The following DNAH7 variants were observed in gnomAD, a reference collection of about 807,000 sequenced individuals.
DNAH7 encodes the protein axonemal beta dynein heavy chain 7.
A neutral mutation model predicts 444.6 loss-of-function variants in DNAH7; 397 were observed. The ratio of observed to expected loss-of-function variants is 0.89; its 90% CI spans 0.82 to 0.97. DNAH7 has a LOEUF of 0.97. DNAH7 is among the 50% of genes least tolerant of loss of function. The pLI is 0.00. For synonymous variants in DNAH7, 1,636 were observed against 1,624.4 expected (o/e 1.01, Z -0.17); for missense variants, 4,902 against 4,800.8 (o/e 1.02, Z -0.62).
intron 47 of DNAH7, among the ~76,000 whole-genome samples, chr2:195,840,674 T>C (rs1574535682): frequency 6.6e-6 from 1 of 151,878 alleles, no homozygotes; most frequent in East Asian, 1.9e-4. Context: ...AAAAAGTCAA[T>C]ATTCAAAAAT....
intron 47 of DNAH7, among the ~76,000 whole-genome samples, chr2:195,842,195 A>G (rs1313791144): frequency 6.6e-6 from 1 of 152,070 alleles, no homozygotes; most frequent in East Asian, 1.9e-4. Flanking sequence ...TTACCCGTGA[A>G]ATGTTCAGAT....
intron 8 of DNAH7, among the ~76,000 whole-genome samples, chr2:196,022,456 T>A (rs1432427155): frequency 6.6e-6 from 1 of 152,224 alleles, no homozygotes; most frequent in Admixed American, 6.5e-5. Context: ...ATATTCTAAA[T>A]CCTTTGTTGT....
At chr2:196,030,173 A>G (rs1360044402) in intron 5 of DNAH7, among the ~76,000 whole-genome samples, 4 of 152,360 alleles carry the variant, frequency 2.6e-5, no homozygotes, top group Non-Finnish European at 5.9e-5. Flanking sequence ...TCATGGCAGA[A>G]GGCGAAAGCC....
At chr2:195,890,537 CTG>C (rs1351856446) in intron 31 of DNAH7, among the ~76,000 whole-genome samples, 4 of 152,022 alleles carry the variant, frequency 2.6e-5, no homozygotes, top group African/African-American at 9.7e-5. Flanking sequence ...AATAATATAA[CTG>C]TATATATTAT....
At chr2:195,898,773 A>C (rs1255292109) in intron 28 of DNAH7, among the ~76,000 whole-genome samples, 1 of 152,234 alleles carries the variant, frequency 6.6e-6, no homozygotes, top group Admixed American at 6.5e-5. Context: ...AGTGTGTTTA[A>C]GAAAACTCAC....
At position 196,027,412 on chromosome 2, in the gene DNAH7, G is replaced by A. The variant is rs115250428; in HGVS notation, c.487-472C>T. ...ATACTATAATTTTATAGCTGCTATTGTGTGTGTTCATAAAATATTCATTTT... is the reference window on the plus strand; with the variant it reads ...ATACTATAATTTTATAGCTGCTATTATGTGTGTTCATAAAATATTCATTTT... On this transcript the variant is annotated intron_variant, in intron 6 of 64. Coordinates refer to ENST00000312428, the MANE Select transcript of DNAH7 (RefSeq NM_018897.3). Among the ~76,000 whole-genome samples the A allele has an allele frequency of 1.5e-3, 230 of 151,766 alleles. 1 individual carries two copies. Among genetic ancestry groups the A allele is most frequent in the African/African-American group, 5.1e-3 (211 of 41,444 alleles).
intron 60 of DNAH7, 146 bp downstream of exon 60, chr2:195,775,700 A>T (rs1393632055): frequency 2.4e-6 from 2 of 828,054 alleles, no homozygotes; most frequent in African/African-American, 1.8e-5. Context: ...ATCCTTATTT[A>T]AGTTATGTAT....
At chr2:195,971,993 A>G (rs1406676030) in intron 16 of DNAH7, among the ~76,000 whole-genome samples, 1 of 152,162 alleles carries the variant, frequency 6.6e-6, no homozygotes, top group Admixed American at 6.5e-5. Context: ...TTTTTTTCAC[A>G]TTATCTTGAA....
rs1455523239 is a variant in DNAH7, at chr2:195,888,321, G to T, written c.5343C>A (p.Phe1781Leu). 1 of 1,610,918 alleles carries T rather than the reference G, an allele frequency of 6.2e-7. No homozygotes were observed. The highest frequency in any genetic ancestry group is 1.3e-5 in the African/African-American group (1 of 74,616). ...PASVSVIQKE[F>L]IMGLFDRMVP... ...CCATTCTGTCAAATAAGCCCATTAT[G>T]AATTCCTTTTGAATAACACTGACTG... The change falls in exon 33 of 65, where the codon TTC (phenylalanine) becomes TTA (leucine). Residue 1781 changes from phenylalanine to leucine, a missense_variant. Physicochemically the swap from Phe to Leu is conservative, Grantham distance 22 (BLOSUM62 0). Coordinates refer to ENST00000312428, the MANE Select transcript of DNAH7 (RefSeq NM_018897.3).
Position 195,757,835 on chromosome 2 carries a change from G to A in DNAH7, c.11434-1550C>T, listed in dbSNP as rs144617573. On this transcript the variant is annotated intron_variant, in intron 61 of 64. Coordinates refer to ENST00000312428, the MANE Select transcript of DNAH7 (RefSeq NM_018897.3). Reference sequence around the variant, plus strand: ...TTCTGAAAGTGGGGCGAGGAGGGCAGTGTTAAAGATCATTAAAACTTGGTT... The same window carrying A: ...TTCTGAAAGTGGGGCGAGGAGGGCAATGTTAAAGATCATTAAAACTTGGTT... 3.3e-5 allele frequency among the ~76,000 whole-genome samples: 5 copies of A among 152,348 alleles called. 1 individual carries two copies. Among genetic ancestry groups the A allele is most frequent in the Non-Finnish European group, 7.3e-5 (5 of 68,036 alleles).
At chr2:195,986,368 T>C (rs943457835) in intron 14 of DNAH7, among the ~76,000 whole-genome samples, 9 of 152,234 alleles carry the variant, frequency 5.9e-5, no homozygotes, top group African/African-American at 2.2e-4. Context: ...CAGGCTTCTA[T>C]ACAGCTTGAA....
chr2:195,998,397 A>G (rs1297502730), intron 12 of DNAH7, among the ~76,000 whole-genome samples: 1 of 151,998 alleles, frequency 6.6e-6, no homozygotes, highest in East Asian at 1.9e-4. Context: ...AAGACGTTGA[A>G]ACCCCATCTC....
At position 195,817,760 on chromosome 2, in the gene DNAH7, G is replaced by T. The variant is rs746200120; in HGVS notation, c.9361C>A (p.Gln3121Lys). The change falls in exon 50 of 65, where the codon CAA becomes AAA. Residue 3121 changes from glutamine to lysine, a missense_variant. Physicochemically the swap from Gln to Lys is moderately conservative, Grantham distance 53 (BLOSUM62 1). Coordinates refer to ENST00000312428, the MANE Select transcript of DNAH7 (RefSeq NM_018897.3). ...QDQLLGIVVAQERPDLEEEKQ... is the reference protein window; with the variant it reads ...QDQLLGIVVAKERPDLEEEKQ... ...TCTTCTTCAAGGTCTGGCCTTTCTTGTGCCACCACAATTCCCAGAAGCTGA... is the reference window on the plus strand; with the variant it reads ...TCTTCTTCAAGGTCTGGCCTTTCTTTTGCCACCACAATTCCCAGAAGCTGA... 1 of 1,612,942 alleles carries T rather than the reference G, an allele frequency of 6.2e-7. No individual in the cohort carries two copies. The highest frequency in any genetic ancestry group is 1.3e-5 in the African/African-American group (1 of 74,852).
intron 8 of DNAH7, among the ~76,000 whole-genome samples, chr2:196,023,449 C>A (rs1695499612): frequency 6.6e-6 from 1 of 152,192 alleles, no homozygotes; most frequent in South Asian, 2.1e-4. Context: ...AATTTTTCAA[C>A]CCTTGCTCCG....
At chr2:195,742,710 T>C (rs899302215) in intron 63 of DNAH7, among the ~76,000 whole-genome samples, 1 of 152,200 alleles carries the variant, frequency 6.6e-6, no homozygotes, top group Admixed American at 6.5e-5. Flanking sequence ...GTGTCAGCTA[T>C]GGTTTTTCTA....
rs368669337 is a variant in DNAH7, at chr2:195,824,309, G to A, written c.9237C>T (p.Phe3079=). ...STIEYAPDFR[F]YITTKLRNPH... is the part of the protein sequence containing the mutation. Reference sequence around the variant, plus strand: ...GATTTCTTAACTTGGTAGTAATATAGAAGCGGAAGTCAGGTGCATATTCAA... The same window carrying A: ...GATTTCTTAACTTGGTAGTAATATAAAAGCGGAAGTCAGGTGCATATTCAA... Residue 3079 remains phenylalanine, a synonymous_variant, in exon 49 of 65, where the codon TTC becomes TTT. Transcript: ENST00000312428. 6.2e-7 allele frequency: 1 copy of A among 1,613,834 alleles called. No individual in the cohort carries two copies. The highest frequency in any genetic ancestry group is 8.5e-7 in the Non-Finnish European group (1 of 1,179,852).
At position 195,853,516 on chromosome 2, in the gene DNAH7, T is replaced by G. The variant is rs1163051034; in HGVS notation, c.8608A>C (p.Ser2870Arg). The G allele has an allele frequency of 7.5e-6, 12 of 1,609,116 alleles. No individual in the cohort carries two copies. The highest frequency in any genetic ancestry group is 1.0e-5 in the Non-Finnish European group (12 of 1,177,494). Residue 2870 changes from serine to arginine, a missense_variant, in exon 46 of 65, where the codon AGC (serine) becomes CGC (arginine). Ser to Arg is a moderately radical substitution (Grantham distance 110). Coordinates refer to ENST00000312428, the MANE Select transcript of DNAH7 (RefSeq NM_018897.3). ...ADLENQVDLC[S>R]KKLERAEQLI... is the part of the protein sequence containing the mutation. ...TGTTCAGCTCGTTCTAGTTTTTTGC[T>G]GCAAAGGTCAACCTCGAAAATAAAA...
At chr2:195,895,491 G>A (rs1319448918) in intron 29 of DNAH7, among the ~76,000 whole-genome samples, 1 of 152,130 alleles carries the variant, frequency 6.6e-6, no homozygotes, top group Non-Finnish European at 1.5e-5. Flanking sequence ...TCAGGCTGGA[G>A]TGCAGTGGCA....
At chr2:195,783,586 C>G (rs773418851) in intron 58 of DNAH7, among the ~76,000 whole-genome samples, 1 of 152,192 alleles carries the variant, frequency 6.6e-6, no homozygotes, top group Non-Finnish European at 1.5e-5. Flanking sequence ...ACGGCCCAAC[C>G]TACTCCCACA....
Sources: gnomAD v4.1 joint callset for allele counts (sites outside exome capture counted in the v4.1 genomes callset) on GRCh38, gnomAD v4.1.1 for gene constraint, MANE v1.5 for transcripts, NCBI Gene and HGNC (gene_info 2026-07-23, HGNC 2026-07-21) for gene names.